The following SZT2 variants were observed in gnomAD, a reference collection of about 807,000 sequenced individuals.
SZT2 encodes KICSTOR complex protein SZT2.
In SZT2, 216 loss-of-function variants were observed where a neutral mutation model predicts 404.2. That is an observed-to-expected ratio of 0.53 (90% CI 0.48 to 0.60). The LOEUF (loss-of-function observed/expected upper bound fraction) is 0.60. Among genes scored for constraint, SZT2 ranks in the 20% least tolerant of loss-of-function variants. The pLI, the probability that SZT2 is intolerant of heterozygous loss-of-function variation, is 0.00. For synonymous variants in SZT2, 1,693 were observed against 1,749.9 expected (o/e 0.97, Z 0.81); for missense variants, 3,857 against 4,459.2 (o/e 0.86, Z 3.85).
intron 33 of SZT2, 31 bp from the exon 34 acceptor site, chr1:43,431,234 C>T (rs770905806): frequency 1.3e-6 from 2 of 1,578,152 alleles, no homozygotes; most frequent in African/African-American, 2.7e-5. Context: ...ATAGTAACTC[C>T]TGACCTTTGA....
chr1:43,411,384 C>T (rs1651025059), intron 4 of SZT2, among the ~76,000 whole-genome samples: 2 of 152,200 alleles, frequency 1.3e-5, no homozygotes, highest in South Asian at 4.1e-4. Flanking sequence ...TGCCCTCTAC[C>T]CATGGCAGGG....
Position 43,453,465 on chromosome 1 carries a change from C to T in SZT2, c.*2985C>T. On this transcript the variant is annotated 3_prime_UTR_variant, in exon 72 of 72. Coordinates refer to ENST00000634258, the MANE Select transcript of SZT2 (RefSeq NM_001365999.1). ...AAGGCCGCCTGTCTCCCGGGGACGG[C>T]CCCCAGCCCCATTTCCCCCTTCTCT... 1 of 1,561,560 alleles carries T rather than the reference C, an allele frequency of 6.4e-7. No individual in the cohort carries two copies. The highest frequency in any genetic ancestry group is 1.2e-5 in the South Asian group (1 of 84,714).
In SZT2 at chr1:43,427,098, C is replaced by G. The variant is rs764431397; in HGVS notation, c.3352C>G (p.Gln1118Glu). 7 of 1,614,116 alleles carry G rather than the reference C, an allele frequency of 4.3e-6. No homozygotes were observed. Among genetic ancestry groups the G allele is most frequent in the Non-Finnish European group, 5.9e-6 (7 of 1,180,050 alleles). ...AACTCTCAAGCCTCTCATCTCTGCC[C>G]AGCCCCCTCAGTGGCGCTGCTATGC... ...PETLKPLISA[Q>E]PPQWRCYARL... Residue 1118 changes from glutamine (Q) to glutamate (E), a missense_variant, in exon 24 of 72, where the codon CAG becomes GAG. Gln to Glu is a conservative substitution (Grantham distance 29). This residue lies in a region of SZT2 where 1,725 missense variants were observed against 1,881.0 expected (regional missense o/e 0.92). Coordinates refer to ENST00000634258, the MANE Select transcript of SZT2 (RefSeq NM_001365999.1).
rs762865110 is a variant in SZT2, at chr1:43,426,419, T to C, written c.3095T>C (p.Val1032Ala). The change falls in exon 22 of 72, where the codon GTG becomes GCG. Residue 1032 changes from valine to alanine, a missense_variant. Transcript: ENST00000634258. This position sits in a 1 kb window ranked among gnomAD's most constrained non-coding sequence, Gnocchi z 4.9. ...GGGTCCTGTCCTGCCAACGACATGG[T>C]GCTGTGCCTGCTGCACAGCTGCCTG... ...AEGSCPANDM[V>A]LCLLHSCLGQ... 6.9e-6 allele frequency: 11 copies of C among 1,593,488 alleles called. No individual in the cohort carries two copies. Among genetic ancestry groups the C allele is most frequent in the Non-Finnish European group, 8.5e-6 (10 of 1,177,654 alleles).
At position 43,421,317 on chromosome 1, in the gene SZT2, A is replaced by C. The variant is rs1306954188; in HGVS notation, c.1626+14A>C. On this transcript the variant is annotated intron_variant, in intron 11 of 71. Coordinates refer to ENST00000634258, the MANE Select transcript of SZT2 (RefSeq NM_001365999.1). ...TCCACCACCCCGGTGAGTAGCTCTG[A>C]AGTATAGTAGCCCCATTTCATGTCA... 1.3e-6 allele frequency: 2 copies of C among 1,597,618 alleles called. No individual in the cohort carries two copies. Among genetic ancestry groups the C allele is most frequent in the East Asian group, 2.2e-5 (1 of 44,884 alleles).
intron 42 of SZT2, chr1:43,436,941 C>G (rs950836658): frequency 5.2e-6 from 3 of 572,226 alleles, no homozygotes; most frequent in Non-Finnish European, 9.2e-6. Context: ...AGCTCCTTCT[C>G]TAAGTCTCCT....
Position 43,437,462 on chromosome 1 carries a change from ATGTT to A in SZT2, c.6250_6253del (p.Val2084ThrfsTer15), listed in dbSNP as rs1654576202. On this transcript the variant is annotated frameshift_variant, in exon 44 of 72. Transcript: ENST00000634258. LOFTEE classifies it high-confidence loss of function. This position sits in a 1 kb window ranked among gnomAD's most constrained non-coding sequence, Gnocchi z 5.3. The stretch of plus-strand genomic sequence containing the variant: ...CTTCTCTGTGGTGAACCGGAAAAAC[ATGTT>A]TGTTTACCAGGAGCGAGCAACAAAG... 1 of 1,614,084 alleles carries A rather than the reference ATGTT, an allele frequency of 6.2e-7. No homozygotes were observed. Among genetic ancestry groups the A allele is most frequent in the Non-Finnish European group, 8.5e-7 (1 of 1,180,008 alleles).
chr1:43,446,855 A>G, intron 65 of SZT2, 100 bp from the exon 66 acceptor site: 1 of 1,273,944 alleles, frequency 7.8e-7, no homozygotes, highest in Non-Finnish European at 1.1e-6. Context: ...CCACAGCAGC[A>G]GGGGAAATCT....
intron 37 of SZT2, 26 bp from the exon 38 acceptor site, chr1:43,432,491 C>A: frequency 6.3e-7 from 1 of 1,585,260 alleles, no homozygotes; most frequent in South Asian, 1.2e-5. Flanking sequence ...GGGCCTATAC[C>A]TCAGTCCTGA....
At chr1:43,412,688 A>G (rs1651215579) in intron 4 of SZT2, 1 of 152,206 alleles carries the variant, frequency 6.6e-6, no homozygotes, top group Non-Finnish European at 1.5e-5. Flanking sequence ...GGAAACAATA[A>G]ACAAAGTGAG....
chr1:43,452,346 T>G lies in SZT2; in HGVS notation c.*1866T>G. ...TGTGGGGAAGATGGACTGGAGGCCT[T>G]GCCTCCCTTGGCTCTCTCTGCACCT... On this transcript the variant is annotated 3_prime_UTR_variant, in exon 72 of 72. Coordinates refer to ENST00000634258, the MANE Select transcript of SZT2 (RefSeq NM_001365999.1). 3.2e-6 allele frequency: 5 copies of G among 1,545,554 alleles called. No homozygotes were observed. The highest frequency in any genetic ancestry group is 1.4e-5 in the African/African-American group (1 of 73,678).
Position 43,436,739 on chromosome 1 carries a change from C to A in SZT2, c.6035-432C>A, listed in dbSNP as rs958505946. ...CGTTTCTGTCTTCCAAAGCCCAGGA[C>A]AAAGTTTATCCCTCCTCTGCAGCTG... On this transcript the variant is annotated intron_variant, in intron 42 of 71. Transcript: ENST00000634258. The A allele has an allele frequency of 3.5e-5, 6 of 172,966 alleles. No individual in the cohort carries two copies. The South Asian group carries it at 5.9e-4, about 17-fold the overall frequency. The allele number at this position is 172,966 out of a possible 1,614,324, so 10.7% of individuals were successfully genotyped here. A position where few individuals can be genotyped will look rare whatever the true frequency, so the allele number is the denominator to read the frequency against.
intron 4 of SZT2, chr1:43,412,488 C>T (rs1317465011): frequency 6.6e-6 from 1 of 152,130 alleles, no homozygotes; most frequent in Middle Eastern, 3.4e-3. Context: ...GAGATGAGGT[C>T]TCTACCAAGC....
At chr1:43,438,849 C>T (rs773942473) in intron 47 of SZT2, 32 bp downstream of exon 47, 1 of 1,611,356 alleles carries the variant, frequency 6.2e-7, no homozygotes. Context: ...AGCATCCTTC[C>T]CAGACTCAGC....
Position 43,426,738 on chromosome 1 carries a change from G to A in SZT2, c.3238G>A (p.Val1080Ile). 6.2e-7 allele frequency: 1 copy of A among 1,613,104 alleles called. No individual in the cohort carries two copies. Among genetic ancestry groups the A allele is most frequent in the Non-Finnish European group, 8.5e-7 (1 of 1,179,660 alleles). Residue 1080 changes from valine to isoleucine, a missense_variant, in exon 23 of 72, where the codon GTT (valine) becomes ATT (isoleucine). Val to Ile is a conservative substitution (Grantham distance 29, BLOSUM62 3). Around this residue, in one of 7 missense-constraint regions of SZT2, gnomAD observed 1,725 missense variants for 1,881.0 expected, o/e 0.92. Coordinates refer to ENST00000634258, the MANE Select transcript of SZT2 (RefSeq NM_001365999.1). The surrounding 1 kb of genome is among the most constrained non-coding windows in gnomAD (Gnocchi z 4.9). ...VPGAEGPLLG[V>I]HGIPKEQAVG... ...AGGTGCCGAGGGGCCACTGCTGGGG[G>A]TTCATGGGATCCCGAAGGAGCAAGC...
chr1:43,415,001 A>C (rs1397455648), intron 4 of SZT2, 81 bp from the exon 5 acceptor site: 7 of 1,517,834 alleles, frequency 4.6e-6, no homozygotes, highest in Non-Finnish European at 4.4e-6. Context: ...AGATGGAGCT[A>C]TGGAGAATAA....
Position 43,439,217 on chromosome 1 carries a change from C to T in SZT2, c.6792+124C>T, listed in dbSNP as rs1654796494. On this transcript the variant is annotated intron_variant, in intron 48 of 71. Coordinates refer to ENST00000634258, the MANE Select transcript of SZT2 (RefSeq NM_001365999.1). The surrounding 1 kb of genome is among the most constrained non-coding windows in gnomAD (Gnocchi z 4.2). The stretch of plus-strand genomic sequence containing the variant: ...CCATGGACCTGGGTACACCCATGCC[C>T]CCCCGGGGACCATTATTACCCGCCT... 1 of 1,528,478 alleles carries T rather than the reference C, an allele frequency of 6.5e-7. No individual in the cohort carries two copies. The allele number at this position is 1,528,478 out of a possible 1,614,324, so 94.7% of individuals were successfully genotyped here.
chr1:43,439,223 G>A lies in SZT2; in HGVS notation c.6792+130G>A, dbSNP rs1230706580. On this transcript the variant is annotated intron_variant, in intron 48 of 71. Transcript: ENST00000634258. This position sits in a 1 kb window ranked among gnomAD's most constrained non-coding sequence, Gnocchi z 4.2. ...ACCTGGGTACACCCATGCCCCCCCGGGGACCATTATTACCCGCCTGTGTCT... is the reference window on the plus strand; with the variant it reads ...ACCTGGGTACACCCATGCCCCCCCGAGGACCATTATTACCCGCCTGTGTCT... 2.0e-6 allele frequency: 3 copies of A among 1,530,168 alleles called. No homozygotes were observed. Among genetic ancestry groups the A allele is most frequent in the Non-Finnish European group, 2.7e-6 (3 of 1,112,408 alleles). The allele number at this position is 1,530,168 out of a possible 1,614,324, so 94.8% of individuals were successfully genotyped here.
intron 4 of SZT2, among the ~76,000 whole-genome samples, chr1:43,407,217 ATCCTGGCTGGGCGCAGTGGC>A (rs1004188648): frequency 6.6e-6 from 1 of 152,120 alleles, no homozygotes; most frequent in Non-Finnish European, 1.5e-5. Context: ...CTCAAGATGT[ATCCTGGCTGGGCGCAGTGGC>A]TCATGCCTGT....
Sources: gnomAD v4.1 joint callset for allele counts (sites outside exome capture counted in the v4.1 genomes callset) on GRCh38, gnomAD v4.1.1 for gene constraint, gnomAD v4.1.1 regional missense constraint, Gnocchi (gnomAD v3.1) non-coding constraint, MANE v1.5 for transcripts, NCBI Gene and HGNC (gene_info 2026-07-23, HGNC 2026-07-21) for gene names.